SYCP1: variants seen among roughly 807,000 people sequenced by gnomAD.
SYCP1 encodes cancer/testis antigen 8.
In SYCP1, 64 loss-of-function variants were observed where a neutral mutation model predicts 153.1. The ratio of observed to expected loss-of-function variants is 0.42; its 90% CI spans 0.34 to 0.51. The LOEUF (loss-of-function observed/expected upper bound fraction) is 0.51, where lower values mean the gene tolerates loss of function less well. SYCP1 is among the 20% of genes least tolerant of loss of function. The pLI, the probability that SYCP1 is intolerant of heterozygous loss-of-function variation, is 0.06. For synonymous variants in SYCP1, 384 were observed against 341.8 expected (o/e 1.12, Z -1.36); for missense variants, 997 against 1,049.0 (o/e 0.95, Z 0.68).
intron 27 of SYCP1, among the ~76,000 whole-genome samples, chr1:114,952,004 G>A (rs949103315): frequency 2.0e-5 from 3 of 152,032 alleles, no homozygotes; most frequent in African/African-American, 7.2e-5. Flanking sequence ...CTTTTTTTTA[G>A]TTTTTATTGC....
intron 23 of SYCP1, 129 bp downstream of exon 23, chr1:114,926,692 GGTT>G (rs1266902752): frequency 6.6e-6 from 5 of 754,738 alleles, no homozygotes; most frequent in East Asian, 6.4e-5. Flanking sequence ...AAAGTTGAAA[GGTT>G]GTTATCTTTT....
chr1:114,959,871 T>A (rs765541174), intron 27 of SYCP1, among the ~76,000 whole-genome samples: 10 of 152,152 alleles, frequency 6.6e-5, no homozygotes, highest in Non-Finnish European at 1.2e-4. Context: ...TTATTTCACT[T>A]AACATAATGA....
intron 30 of SYCP1, among the ~76,000 whole-genome samples, chr1:114,992,333 G>A (rs550534625): frequency 2.6e-5 from 4 of 151,202 alleles, no homozygotes; most frequent in African/African-American, 9.7e-5. Flanking sequence ...GGCCCCAAAA[G>A]GCTAAAACAA....
intron 23 of SYCP1, among the ~76,000 whole-genome samples, chr1:114,938,299 A>C (rs1225350587): frequency 6.6e-6 from 1 of 151,808 alleles, no homozygotes; most frequent in Non-Finnish European, 1.5e-5. Context: ...TTGCCAGGAC[A>C]GAAAAACCAA....
At chr1:114,859,708 C>T in intron 6 of SYCP1, 35 bp from the exon 7 acceptor site, 2 of 993,896 alleles carry the variant, frequency 2.0e-6, no homozygotes, top group Middle Eastern at 2.4e-4. Context: ...TGCTAATAAG[C>T]AAAATGGGAT....
chr1:114,928,993 G>T (rs957411045), intron 23 of SYCP1, among the ~76,000 whole-genome samples: 11 of 152,092 alleles, frequency 7.2e-5, no homozygotes, highest in Non-Finnish European at 8.8e-5. Flanking sequence ...CCTGATTCCT[G>T]GTTCATAAAC....
chr1:114,856,012 G>A (rs374426051), intron 2 of SYCP1, among the ~76,000 whole-genome samples: 24 of 152,168 alleles, frequency 1.6e-4, no homozygotes, highest in East Asian at 1.3e-3. Flanking sequence ...AGGGCAAAGA[G>A]GGAAATTCAT....
chr1:114,917,731 C>A (rs1479074330), intron 20 of SYCP1, among the ~76,000 whole-genome samples: 1 of 152,102 alleles, frequency 6.6e-6, no homozygotes, highest in Non-Finnish European at 1.5e-5. Flanking sequence ...CTCTGATGAT[C>A]AATGATGTTG....
chr1:114,925,828 A>G (rs1669215598), intron 21 of SYCP1, among the ~76,000 whole-genome samples: 1 of 152,216 alleles, frequency 6.6e-6, no homozygotes, highest in African/African-American at 2.4e-5. Context: ...CATATAAGTA[A>G]CATGAAAATG....
At chr1:114,889,025 G>A (rs1172178754) in intron 15 of SYCP1, among the ~76,000 whole-genome samples, 1 of 152,136 alleles carries the variant, frequency 6.6e-6, no homozygotes, top group East Asian at 1.9e-4. Flanking sequence ...TCCTTGCAAA[G>A]GACATGAATT....
intron 27 of SYCP1, among the ~76,000 whole-genome samples, chr1:114,956,336 C>T (rs1467279104): frequency 1.3e-5 from 2 of 152,140 alleles, no homozygotes; most frequent in African/African-American, 4.8e-5. Flanking sequence ...GAGATGTACA[C>T]TCCTCTAATC....
intron 8 of SYCP1, 22 bp downstream of exon 8, chr1:114,860,831 T>C (rs778841357): frequency 4.6e-6 from 7 of 1,530,752 alleles, no homozygotes; most frequent in Non-Finnish European, 5.3e-6. Context: ...TCTTGTTTTA[T>C]GTGATTTTAT....
At chr1:114,907,748 A>AT (rs1304986642) in intron 16 of SYCP1, among the ~76,000 whole-genome samples, 2 of 151,602 alleles carry the variant, frequency 1.3e-5, no homozygotes, top group Non-Finnish European at 2.9e-5. Context: ...CGCCTGGCTA[A>AT]TTTTTTGTAT....
intron 10 of SYCP1, 22 bp from the exon 11 acceptor site, chr1:114,876,715 T>C (rs1267675705): frequency 6.7e-6 from 8 of 1,190,508 alleles, no homozygotes; most frequent in Non-Finnish European, 9.0e-6. Flanking sequence ...GACATTACAG[T>C]ATATTTGTTT....
chr1:114,899,178 C>T (rs554238269), intron 16 of SYCP1, among the ~76,000 whole-genome samples: 15 of 152,282 alleles, frequency 9.9e-5, no homozygotes, highest in Admixed American at 3.9e-4. Context: ...ACTATATTGC[C>T]GTAAGTTAAG....
chr1:114,882,451 T>C (rs1300760615), intron 12 of SYCP1, among the ~76,000 whole-genome samples: 1 of 152,130 alleles, frequency 6.6e-6, no homozygotes, highest in African/African-American at 2.4e-5. Flanking sequence ...ATGTTATTCT[T>C]CTTTTTCTAA....
intron 15 of SYCP1, among the ~76,000 whole-genome samples, chr1:114,889,045 T>G (rs567272879): frequency 1.1e-4 from 17 of 152,334 alleles, no homozygotes; most frequent in African/African-American, 4.1e-4. Flanking sequence ...TCATTCTTTT[T>G]TATGGCTGCG....
Position 114,855,421 on chromosome 1 carries a change from C to T in SYCP1, c.-24-20C>T. ...GTGAAAAAAAACTTTCCTTCCCCTC[C>T]CGCCCCCCCGGGGCAGTAGATATTT... On this transcript the variant is annotated intron_variant, in intron 1 of 31. Coordinates refer to ENST00000369522, the MANE Select transcript of SYCP1 (RefSeq NM_003176.4). 2.2e-6 allele frequency: 3 copies of T among 1,380,698 alleles called. No homozygotes were observed. The highest frequency in any genetic ancestry group is 2.8e-6 in the Non-Finnish European group (3 of 1,053,614). The allele number at this position is 1,380,698 out of a possible 1,614,324, so 85.5% of individuals were successfully genotyped here. A position where few individuals can be genotyped will look rare whatever the true frequency, so the allele number is the denominator to read the frequency against.
intron 12 of SYCP1, among the ~76,000 whole-genome samples, chr1:114,882,241 A>G (rs1450291729): frequency 6.6e-6 from 1 of 152,106 alleles, no homozygotes; most frequent in African/African-American, 2.4e-5. Flanking sequence ...ACCCGAAACC[A>G]AAATAAAAAC....
Sources: allele counts gnomAD v4.1 joint callset (sites outside exome capture counted in the v4.1 genomes callset), GRCh38; gene constraint gnomAD v4.1.1; transcripts MANE v1.5; gene names NCBI Gene and HGNC (gene_info 2026-07-23, HGNC 2026-07-21).